ZMYM4: variants seen among roughly 807,000 people sequenced by gnomAD.
The protein encoded by ZMYM4 is zinc finger MYM-type containing 4.
Under a neutral mutation model 183.2 loss-of-function variants are expected in ZMYM4, and 31 were observed. That is an observed-to-expected ratio of 0.17 (90% CI 0.13 to 0.23). The LOEUF (loss-of-function observed/expected upper bound fraction) is 0.23, where lower values mean the gene tolerates loss of function less well. Ranked by LOEUF, ZMYM4 falls within the 10% of genes least tolerant of loss-of-function variation. The pLI, the probability that ZMYM4 is intolerant of heterozygous loss-of-function variation, is 1.00. For synonymous variants in ZMYM4, 592 were observed against 631.2 expected (o/e 0.94, Z 0.93); for missense variants, 1,273 against 1,840.3 (o/e 0.69, Z 5.64).
Position 35,419,598 on chromosome 1 carries a change from G to A in ZMYM4, c.4568G>A (p.Arg1523His). The A allele has an allele frequency of 6.2e-7, 1 of 1,614,142 alleles. No homozygotes were observed. Among genetic ancestry groups the A allele is most frequent in the Non-Finnish European group, 8.5e-7 (1 of 1,180,022 alleles). ...DPGTLDTMLT[R>H]ILMVREVHEE... ...GGAACCCTGGACACCATGTTAACACGTATTCTCATGGTGAGGGAGGTACAT... is the reference window on the plus strand; with the variant it reads ...GGAACCCTGGACACCATGTTAACACATATTCTCATGGTGAGGGAGGTACAT... Residue 1523 changes from arginine (R) to histidine (H), a missense_variant, in exon 30 of 30, where the codon CGT (arginine) becomes CAT (histidine). Physicochemically the swap from Arg to His is conservative, Grantham distance 29. Transcript: ENST00000314607.
At chr1:35,276,825 T>G (rs905443321) in intron 1 of ZMYM4, among the ~76,000 whole-genome samples, 1 of 152,214 alleles carries the variant, frequency 6.6e-6, no homozygotes, top group Non-Finnish European at 1.5e-5. Context: ...CAAGCTGGTC[T>G]CAAGCTCCTG....
intron 5 of ZMYM4, among the ~76,000 whole-genome samples, chr1:35,363,583 A>G (rs1400413820): frequency 6.6e-6 from 1 of 152,244 alleles, no homozygotes; most frequent in African/African-American, 2.4e-5. Context: ...CATGAATTCC[A>G]TGACGTTCAG....
At chr1:35,400,455 T>G (rs1644887625) in intron 23 of ZMYM4, 1 of 152,118 alleles carries the variant, frequency 6.6e-6, no homozygotes, top group African/African-American at 2.4e-5. Context: ...TCCACCCGCC[T>G]TGGCCTCCCA....
intron 16 of ZMYM4, 131 bp downstream of exon 16, chr1:35,392,483 A>C: frequency 7.6e-7 from 1 of 1,321,592 alleles, no homozygotes; most frequent in African/African-American, 1.5e-5. Context: ...CTTGCTGCAC[A>C]AGTTTCATAT....
At chr1:35,276,757 A>G (rs1639898817) in intron 1 of ZMYM4, among the ~76,000 whole-genome samples, 1 of 151,974 alleles carries the variant, frequency 6.6e-6, no homozygotes, top group South Asian at 2.1e-4. Context: ...ATAGGCATGC[A>G]CCACCAGCCT....
intron 26 of ZMYM4, among the ~76,000 whole-genome samples, chr1:35,408,473 C>T (rs1209570684): frequency 1.3e-5 from 2 of 152,090 alleles, no homozygotes; most frequent in African/African-American, 4.8e-5. Context: ...TGTGGTGGCT[C>T]ACACCTGTAT....
intron 7 of ZMYM4, among the ~76,000 whole-genome samples, chr1:35,371,965 ATT>A (rs1340505073): frequency 6.6e-6 from 1 of 152,200 alleles, no homozygotes; most frequent in African/African-American, 2.4e-5. Flanking sequence ...AATTGCCGCT[ATT>A]TAAAAGAACA....
chr1:35,311,916 G>A (rs1452542852), intron 1 of ZMYM4, among the ~76,000 whole-genome samples: 1 of 151,760 alleles, frequency 6.6e-6, no homozygotes, highest in Non-Finnish European at 1.5e-5. Flanking sequence ...TCGAGACGAG[G>A]TCTCACTCTG....
rs538038992 is a variant in ZMYM4, at chr1:35,270,422, AC to A, written c.39+1338del. ...ACTATCCGTCAATATTATAAAACTT[AC>A]GGGGAGCAGTCATACACCCAACCGC... On this transcript the variant is annotated intron_variant, in intron 1 of 29. Coordinates refer to ENST00000314607, the MANE Select transcript of ZMYM4 (RefSeq NM_005095.3). 1.2e-3 allele frequency among the ~76,000 whole-genome samples: 176 copies of A among 152,312 alleles called. 1 individual carries two copies. The highest frequency in any genetic ancestry group is 4.0e-3 in the African/African-American group (168 of 41,580).
intron 1 of ZMYM4, among the ~76,000 whole-genome samples, chr1:35,280,195 CTTCCT>C (rs1278882140): frequency 6.8e-6 from 1 of 147,300 alleles, no homozygotes; most frequent in Admixed American, 6.8e-5. Flanking sequence ...CTTCCCTTCC[CTTCCT>C]TTCTTCCCTT....
intron 5 of ZMYM4, among the ~76,000 whole-genome samples, chr1:35,369,741 TA>T (rs1644163265): frequency 6.6e-6 from 1 of 151,912 alleles, no homozygotes; most frequent in Non-Finnish European, 1.5e-5. Flanking sequence ...CAGTAACTTA[TA>T]ATACTTTAAT....
intron 2 of ZMYM4, among the ~76,000 whole-genome samples, chr1:35,355,120 G>A (rs1271886154): frequency 6.6e-6 from 1 of 151,150 alleles, no homozygotes; most frequent in African/African-American, 2.4e-5. Flanking sequence ...TGCAAGCTTC[G>A]CCTTCCAGGT....
chr1:35,322,390 A>G (rs1317409361), intron 1 of ZMYM4, among the ~76,000 whole-genome samples: 1 of 152,160 alleles, frequency 6.6e-6, no homozygotes, highest in Non-Finnish European at 1.5e-5. Flanking sequence ...TTTTCTGGTT[A>G]AAAGACTTTT....
chr1:35,355,258 A>G (rs1027724236), intron 2 of ZMYM4, among the ~76,000 whole-genome samples: 3 of 136,822 alleles, frequency 2.2e-5, no homozygotes, highest in Non-Finnish European at 4.6e-5. Context: ...TGTGTTAGCC[A>G]GGATGGTCTC....
chr1:35,369,227 T>C (rs1193575810), intron 5 of ZMYM4, among the ~76,000 whole-genome samples: 1 of 152,212 alleles, frequency 6.6e-6, no homozygotes, highest in Non-Finnish European at 1.5e-5. Flanking sequence ...TTAAATCTAT[T>C]ATGTAATGAT....
chr1:35,355,200 CTTTTTTTTTTTTT>C (rs1013941289), intron 2 of ZMYM4, among the ~76,000 whole-genome samples: 59 of 77,200 alleles, frequency 7.6e-4, no homozygotes, highest in African/African-American at 2.8e-3. Context: ...CGCCTGGCTT[CTTTTTTTTTTTTT>C]TTTTTTTTTT....
At chr1:35,408,224 G>GT in intron 26 of ZMYM4, 65 bp downstream of exon 26, 1 of 1,577,600 alleles carries the variant, frequency 6.3e-7, no homozygotes, top group Non-Finnish European at 8.7e-7. Flanking sequence ...TGTCCCCACA[G>GT]AAATTACATG....
At chr1:35,390,174 T>C (rs1644673767) in intron 15 of ZMYM4, 76 bp downstream of exon 15, 2 of 1,457,650 alleles carry the variant, frequency 1.4e-6, no homozygotes, top group Non-Finnish European at 1.9e-6. Flanking sequence ...GATCAGGAAC[T>C]GTGTAAACAG....
At chr1:35,350,630 G>T in intron 2 of ZMYM4, 2 of 196,126 alleles carry the variant, frequency 1.0e-5, no homozygotes, top group Admixed American at 5.9e-5. Context: ...ATTATGCTTT[G>T]ATTAAAAACA....
Sources: allele counts gnomAD v4.1 joint callset (sites outside exome capture counted in the v4.1 genomes callset), GRCh38; gene constraint gnomAD v4.1.1; transcripts MANE v1.5; gene names NCBI Gene and HGNC (gene_info 2026-07-23, HGNC 2026-07-21).